PCM1: variants seen among roughly 807,000 people sequenced by gnomAD.
The protein encoded by PCM1 is pericentriolar material 1 protein.
In PCM1, 157 loss-of-function variants were observed where a neutral mutation model predicts 241.9. That is an observed-to-expected ratio of 0.65 (90% CI 0.57 to 0.74). PCM1 has a LOEUF of 0.74. Ranked by LOEUF, PCM1 falls within the 30% of genes least tolerant of loss-of-function variation. The pLI, the probability that PCM1 is intolerant of heterozygous loss-of-function variation, is 0.00. For synonymous variants in PCM1, 1,085 were observed against 784.9 expected, an observed-to-expected ratio of 1.38 and a Z score of -6.39; for missense variants, 3,478 against 2,360.1, an observed-to-expected ratio of 1.47 and a Z score of -9.81.
In PCM1 at chr8:17,966,481, G is replaced by C; in HGVS notation, c.3221+8G>C. 1 of 1,612,824 alleles carries C rather than the reference G, an allele frequency of 6.2e-7. No homozygotes were observed. Among genetic ancestry groups the C allele is most frequent in the Non-Finnish European group, 8.5e-7 (1 of 1,179,184 alleles). Reference sequence around the variant, plus strand: ...ACAGAATAATGTTCAGAGGTAATCTGTTTCTTAGAAGTATTGAGACTGTAT... The same window carrying C: ...ACAGAATAATGTTCAGAGGTAATCTCTTTCTTAGAAGTATTGAGACTGTAT... On this transcript the variant is annotated splice_region_variant and intron_variant, in intron 20 of 38. Coordinates refer to ENST00000325083, the MANE Select transcript of PCM1 (RefSeq NM_006197.4).
chr8:17,932,920 A>C (rs2059442034), intron 2 of PCM1, among the ~76,000 whole-genome samples: 1 of 152,162 alleles, frequency 6.6e-6, no homozygotes, highest in African/African-American at 2.4e-5. Flanking sequence ...ACTGTGAATT[A>C]ACTTTTTTTC....
At position 17,947,250 on chromosome 8, in the gene PCM1, T is replaced by TA; in HGVS notation, c.853dup (p.Arg285LysfsTer25). 1.2e-6 allele frequency: 2 copies of TA among 1,609,524 alleles called. No individual in the cohort carries two copies. Among genetic ancestry groups the TA allele is most frequent in the Non-Finnish European group, 1.7e-6 (2 of 1,176,150 alleles). ...AATTTGAAGAAACAACATGATTTAT[T>TA]AAAAAGAATGTTACAACAGCAGGAG... On this transcript the variant is annotated frameshift_variant, in exon 7 of 39. Transcript: ENST00000325083. LOFTEE classifies it high-confidence loss of function.
chr8:17,955,664 T>G lies in PCM1; in HGVS notation c.1472+11T>G. ...ATCTGAAAAACTCCAGTAAAACATTTATAATCATTGTTTACATGAAGTTAA... is the reference window on the plus strand; with the variant it reads ...ATCTGAAAAACTCCAGTAAAACATTGATAATCATTGTTTACATGAAGTTAA... On this transcript the variant is annotated intron_variant, in intron 10 of 38. Transcript: ENST00000325083. 1 of 1,596,212 alleles carries G rather than the reference T, an allele frequency of 6.3e-7. No individual in the cohort carries two copies. Among genetic ancestry groups the G allele is most frequent in the Non-Finnish European group, 8.6e-7 (1 of 1,163,882 alleles).
At chr8:18,012,901 T>G (rs1197768608) in intron 34 of PCM1, among the ~76,000 whole-genome samples, 1 of 152,198 alleles carries the variant, frequency 6.6e-6, no homozygotes, top group Non-Finnish European at 1.5e-5. Context: ...TCTTTTTTTC[T>G]GATTGTTACT....
In PCM1 at chr8:17,993,426, A is replaced by G. The variant is rs531720352; in HGVS notation, c.4691-57A>G. 20 of 1,163,908 alleles carry G rather than the reference A, an allele frequency of 1.7e-5. No individual in the cohort carries two copies. In the South Asian group the frequency reaches 2.9e-4, roughly 17 times the overall value. 72.1% of individuals were successfully genotyped at this position (1,163,908 alleles called of 1,614,324 possible). A position where few individuals can be genotyped will look rare whatever the true frequency, so the allele number is the denominator to read the frequency against. ...ATTTTTCAAATTTCAACATAAAGGC[A>G]TATATGTATATATAATAGGCTTTGT... is the stretch of plus-strand genomic sequence containing the variant. On this transcript the variant is annotated intron_variant, in intron 28 of 38. Coordinates refer to ENST00000325083, the MANE Select transcript of PCM1 (RefSeq NM_006197.4).
chr8:18,002,847 G>A (rs2090072268), intron 29 of PCM1, among the ~76,000 whole-genome samples: 2 of 146,808 alleles, frequency 1.4e-5, no homozygotes, highest in South Asian at 4.2e-4. Context: ...ATTTCTTCAT[G>A]TGTTTTTTGG....
chr8:17,987,029 TTAAAA>T (rs999759166), intron 26 of PCM1, among the ~76,000 whole-genome samples: 1 of 151,844 alleles, frequency 6.6e-6, no homozygotes, highest in Non-Finnish European at 1.5e-5. Flanking sequence ...CTACTCGTGT[TTAAAA>T]TAATAACTTC....
At chr8:17,973,214 T>A (rs1032953265) in intron 23 of PCM1, among the ~76,000 whole-genome samples, 16 of 151,040 alleles carry the variant, frequency 1.1e-4, no homozygotes, top group East Asian at 1.9e-4. Flanking sequence ...GTTTAAAAAA[T>A]TTTTTTAAAA....
chr8:17,991,800 T>A lies in PCM1; in HGVS notation c.4690+100T>A. ...GATTTCTGAGATTTTGGTGCACCCA[T>A]CGCCTGAGCAGTATACACTGTACCC... On this transcript the variant is annotated intron_variant, in intron 28 of 38. Transcript: ENST00000325083. 6.1e-6 allele frequency: 5 copies of A among 821,240 alleles called. No homozygotes were observed. In the South Asian group the frequency reaches 8.7e-5, roughly 14 times the overall value. The allele number at this position is 821,240 out of a possible 1,614,324, so 50.9% of individuals were successfully genotyped here. A position where few individuals can be genotyped will look rare whatever the true frequency, so the allele number is the denominator to read the frequency against.
Position 17,959,137 on chromosome 8 carries a change from G to A in PCM1, c.2041-877G>A, listed in dbSNP as rs547310715. On this transcript the variant is annotated intron_variant, in intron 13 of 38. Transcript: ENST00000325083. Reference sequence around the variant, plus strand: ...ACCTATTTTTAAAAAAATACATGACGTTTTGTGGTATGTTTCTTTGTTTTT... The same window carrying A: ...ACCTATTTTTAAAAAAATACATGACATTTTGTGGTATGTTTCTTTGTTTTT... Among the ~76,000 whole-genome samples the A allele has an allele frequency of 7.9e-5, 12 of 151,878 alleles. No homozygotes were observed. In the South Asian group the frequency reaches 1.9e-3, roughly 24 times the overall value.
chr8:17,953,991 A>G (rs575253949), intron 9 of PCM1, among the ~76,000 whole-genome samples: 3 of 152,270 alleles, frequency 2.0e-5, no homozygotes, highest in South Asian at 2.1e-4. Context: ...TTCTCCACCT[A>G]TCTCCTTTTC....
chr8:17,989,806 A>G (rs2083890622), intron 26 of PCM1, 53 bp from the exon 27 acceptor site: 1 of 1,215,550 alleles, frequency 8.2e-7, no homozygotes, highest in Admixed American at 2.3e-5. Context: ...TAGATTATTA[A>G]TATGAAATTC....
Position 18,029,546 on chromosome 8 carries a change from A to C in PCM1, c.*1884A>C, listed in dbSNP as rs2094411214. 4.8e-6 allele frequency: 1 copy of C among 208,946 alleles called. No homozygotes were observed. The highest frequency in any genetic ancestry group is 9.7e-6 in the Non-Finnish European group (1 of 102,930). The allele number at this position is 208,946 out of a possible 1,614,324, so 12.9% of individuals were successfully genotyped here. A position where few individuals can be genotyped will look rare whatever the true frequency, so the allele number is the denominator to read the frequency against. Reference sequence around the variant, plus strand: ...GAAAAATTGTATTTATATCTTAGTTATTACCATAGTACCTATGAACCTTAT... The same window carrying C: ...GAAAAATTGTATTTATATCTTAGTTCTTACCATAGTACCTATGAACCTTAT... On this transcript the variant is annotated 3_prime_UTR_variant, in exon 39 of 39. Transcript: ENST00000325083.
At chr8:17,937,656 A>G (rs1420900528) in intron 4 of PCM1, among the ~76,000 whole-genome samples, 3 of 152,136 alleles carry the variant, frequency 2.0e-5, no homozygotes, top group Admixed American at 1.3e-4. Context: ...TAAATTTTGC[A>G]TTTTGGTAAC....
chr8:18,018,174 C>T (rs1416385817), intron 36 of PCM1, among the ~76,000 whole-genome samples: 3 of 152,274 alleles, frequency 2.0e-5, no homozygotes, highest in African/African-American at 4.8e-5. Context: ...CAATATGACA[C>T]TAAATTGAGA....
chr8:18,007,101 A>G lies in PCM1; in HGVS notation c.4962+704A>G, dbSNP rs574850149. Among the ~76,000 whole-genome samples, 29 of 152,354 alleles carry G rather than the reference A, an allele frequency of 1.9e-4. 2 individuals are homozygous for G. In the South Asian group the frequency reaches 4.8e-3, roughly 25 times the overall value. ...TTAATAAAATTACCTTGTTTATTCC[A>G]TATGACAAACATCTTTACCTTTATA... is the stretch of plus-strand genomic sequence containing the variant. On this transcript the variant is annotated intron_variant, in intron 30 of 38. Coordinates refer to ENST00000325083, the MANE Select transcript of PCM1 (RefSeq NM_006197.4).
rs750348316 is a variant in PCM1 at position 18,014,648 on chromosome 8, A to T, written c.5649A>T (p.Leu1883Phe). The change falls in exon 36 of 39, where the codon TTA becomes TTT. Residue 1883 changes from leucine to phenylalanine, a missense_variant. Physicochemically the swap from Leu to Phe is conservative, Grantham distance 22. Coordinates refer to ENST00000325083, the MANE Select transcript of PCM1 (RefSeq NM_006197.4). ...YLNILEDEQP[L>F]NSAAHKESPP... ...ATATCTTGGAAGATGAGCAACCTTT[A>T]AATAGTGCTGCCCATAAGGAGTCAC... 1.2e-6 allele frequency: 2 copies of T among 1,613,530 alleles called. No individual in the cohort carries two copies. The highest frequency in any genetic ancestry group is 1.7e-6 in the Non-Finnish European group (2 of 1,179,564).
chr8:17,924,486 C>T (rs2056093735), intron 1 of PCM1, among the ~76,000 whole-genome samples: 1 of 152,188 alleles, frequency 6.6e-6, no homozygotes. Context: ...TATCACTTTG[C>T]TGTTTGGTAA....
At chr8:17,998,945 A>T (rs1292158509) in intron 29 of PCM1, among the ~76,000 whole-genome samples, 1 of 152,092 alleles carries the variant, frequency 6.6e-6, no homozygotes, top group Non-Finnish European at 1.5e-5. Context: ...TACCACTGTG[A>T]CCACCGGCCC....
Sources: allele counts gnomAD v4.1 joint callset (sites outside exome capture counted in the v4.1 genomes callset), GRCh38; gene constraint gnomAD v4.1.1; transcripts MANE v1.5; gene names NCBI Gene and HGNC (gene_info 2026-07-23, HGNC 2026-07-21).